Variants in TRIO observed in about 807,000 individuals in gnomAD.
TRIO encodes trio Rho guanine nucleotide exchange factor, also known as triple functional domain protein.
A neutral mutation model predicts 351.9 loss-of-function variants in TRIO; 58 were observed. The observed-to-expected ratio is 0.16, with a 90% CI of 0.13 to 0.21. TRIO has a LOEUF of 0.21. Among genes scored for constraint, TRIO ranks in the 10% least tolerant of loss-of-function variants. TRIO has a pLI of 1.00. For synonymous variants in TRIO, 1,758 were observed against 1,595.7 expected (o/e 1.10, Z -2.42); for missense variants, 3,201 against 4,027.8 (o/e 0.79, Z 5.56).
chr5:14,217,720 CT>C (rs1045893826), intron 1 of TRIO, among the ~76,000 whole-genome samples: 2 of 152,144 alleles, frequency 1.3e-5, no homozygotes, highest in African/African-American at 4.8e-5. Flanking sequence ...GTGGCACTTG[CT>C]GCAGCCCTGT....
At chr5:14,409,758 C>T (rs1403839668) in intron 33 of TRIO, among the ~76,000 whole-genome samples, 5 of 151,470 alleles carry the variant, frequency 3.3e-5, no homozygotes, top group Non-Finnish European at 7.4e-5. Context: ...TGGCATGAAC[C>T]CGGGAGGCAG....
chr5:14,325,020 A>G (rs1434785788), intron 9 of TRIO, among the ~76,000 whole-genome samples: 1 of 152,190 alleles, frequency 6.6e-6, no homozygotes. Flanking sequence ...ATGGAACTGT[A>G]TTGCCCTCCC....
intron 31 of TRIO, among the ~76,000 whole-genome samples, chr5:14,401,732 T>C (rs1385891572): frequency 3.3e-5 from 5 of 152,238 alleles, no homozygotes; most frequent in East Asian, 1.9e-4. Context: ...GGTTGTCTTA[T>C]GTATTTTCCT....
chr5:14,408,748 A>G (rs141018624), intron 33 of TRIO, among the ~76,000 whole-genome samples: 59 of 152,256 alleles, frequency 3.9e-4, no homozygotes, highest in African/African-American at 1.4e-3. Flanking sequence ...AGTGGCCCGC[A>G]TTCAGGGCAT....
intron 19 of TRIO, among the ~76,000 whole-genome samples, chr5:14,376,572 GT>G (rs1179052694): frequency 1.3e-5 from 2 of 152,084 alleles, no homozygotes; most frequent in Admixed American, 6.5e-5. Context: ...ATCTTTCTGT[GT>G]CAGAATTTAA....
At chr5:14,387,965 T>C in intron 23 of TRIO, 118 bp downstream of exon 23, 1 of 1,058,718 alleles carries the variant, frequency 9.4e-7, no homozygotes, top group Non-Finnish European at 1.4e-6. Context: ...TTTTTGTTGC[T>C]CTGGGTGGAC....
At position 14,509,327 on chromosome 5, in the gene TRIO, G is replaced by A. The variant is rs1279103597; in HGVS notation, c.*905G>A. 4 of 423,486 alleles carry A rather than the reference G, an allele frequency of 9.4e-6. No individual in the cohort carries two copies. The highest frequency in any genetic ancestry group is 1.7e-5 in the South Asian group (1 of 59,700). The allele number at this position is 423,486 out of a possible 1,614,324, so 26.2% of individuals were successfully genotyped here. On this transcript the variant is annotated 3_prime_UTR_variant, in exon 57 of 57. Transcript: ENST00000344204. Reference sequence around the variant, plus strand: ...ATTTATGAAGACCTCTGTTGTACCTGTAATAAATATATAGAAAAAGCACAT... The same window carrying A: ...ATTTATGAAGACCTCTGTTGTACCTATAATAAATATATAGAAAAAGCACAT...
chr5:14,482,756 T>C lies in TRIO; in HGVS notation c.6640T>C (p.Phe2214Leu). 1.1e-5 allele frequency: 17 copies of C among 1,601,552 alleles called. No individual in the cohort carries two copies. Among genetic ancestry groups the C allele is most frequent in the Non-Finnish European group, 6.8e-6 (8 of 1,172,546 alleles). ...KKGFSMPGFL[F>L]KNSIKVSCLC... ...GGGCTTCTCCATGCCGGGATTCCTG[T>C]TTAAGAACAGTATCAAGGTAACGTG... is the stretch of plus-strand genomic sequence containing the variant. The change falls in exon 46 of 57, where the codon TTT becomes CTT. Residue 2214 changes from phenylalanine to leucine, a missense_variant. Coordinates refer to ENST00000344204, the MANE Select transcript of TRIO (RefSeq NM_007118.4).
intron 1 of TRIO, among the ~76,000 whole-genome samples, chr5:14,214,094 G>A (rs1391680489): frequency 2.6e-5 from 4 of 152,140 alleles, no homozygotes; most frequent in Admixed American, 6.5e-5. Context: ...GGCTGTCACT[G>A]CTTGAGTTTA....
intron 5 of TRIO, among the ~76,000 whole-genome samples, chr5:14,291,579 A>G (rs1736907322): frequency 6.6e-6 from 1 of 151,946 alleles, no homozygotes; most frequent in African/African-American, 2.4e-5. Flanking sequence ...ACCTGAGGTC[A>G]GGAGATTGAG....
At chr5:14,502,516 T>A in intron 53 of TRIO, 63 bp from the exon 54 acceptor site, 1 of 1,570,618 alleles carries the variant, frequency 6.4e-7, no homozygotes, top group Non-Finnish European at 8.8e-7. Flanking sequence ...TGCGTGGCGA[T>A]AGCCTTCTTA....
intron 45 of TRIO, among the ~76,000 whole-genome samples, chr5:14,482,216 C>T (rs1755578307): frequency 6.6e-6 from 1 of 152,146 alleles, no homozygotes; most frequent in South Asian, 2.1e-4. Flanking sequence ...CTGACGCACA[C>T]ACAGAGGCCG....
At chr5:14,493,798 T>C (rs1243220717) in intron 49 of TRIO, among the ~76,000 whole-genome samples, 3 of 152,114 alleles carry the variant, frequency 2.0e-5, no homozygotes, top group Admixed American at 2.0e-4. Flanking sequence ...AAATTGTAAA[T>C]GCAAAGGAAA....
At chr5:14,331,792 G>T (rs926671561) in intron 10 of TRIO, among the ~76,000 whole-genome samples, 2 of 152,090 alleles carry the variant, frequency 1.3e-5, no homozygotes, top group South Asian at 2.1e-4. Context: ...TAATTTGAAG[G>T]TCCTTTCCTT....
chr5:14,353,498 A>G (rs188112823), intron 11 of TRIO, among the ~76,000 whole-genome samples: 3 of 152,164 alleles, frequency 2.0e-5, no homozygotes, highest in East Asian at 1.9e-4. Context: ...TCCTGACCTC[A>G]GGTGATCTGC....
intron 1 of TRIO, among the ~76,000 whole-genome samples, chr5:14,175,787 C>T (rs910221641): frequency 3.3e-5 from 5 of 152,282 alleles, no homozygotes; most frequent in African/African-American, 9.6e-5. Flanking sequence ...GTGAGAGCTC[C>T]GCAAAATCTG....
chr5:14,401,216 A>G (rs1579543840), intron 31 of TRIO, 152 bp downstream of exon 31: 2 of 648,942 alleles, frequency 3.1e-6, no homozygotes, highest in East Asian at 3.0e-5. Context: ...CAAAAAGAAT[A>G]GTGGAATAAA....
chr5:14,270,935 G>T, intron 2 of TRIO, 36 bp downstream of exon 2: 2 of 1,454,176 alleles, frequency 1.4e-6, no homozygotes, highest in Non-Finnish European at 9.6e-7. Flanking sequence ...CTATCCAACT[G>T]CTCTGACACA....
chr5:14,359,627 G>C, intron 13 of TRIO, 96 bp downstream of exon 13: 2 of 1,419,360 alleles, frequency 1.4e-6, no homozygotes, highest in Non-Finnish European at 1.9e-6. Context: ...CTGAGGTCCT[G>C]TGTCCTCACC....
Sources: allele counts gnomAD v4.1 joint callset (sites outside exome capture counted in the v4.1 genomes callset), GRCh38; gene constraint gnomAD v4.1.1; transcripts MANE v1.5; gene names NCBI Gene and HGNC (gene_info 2026-07-23, HGNC 2026-07-21).